P2RX5: variants seen among roughly 807,000 people sequenced by gnomAD.
P2RX5 encodes purinergic receptor P2X 5.
A neutral mutation model predicts 54.1 loss-of-function variants in P2RX5; 46 were observed. The observed-to-expected ratio is 0.85, with a 90% CI of 0.67 to 1.09. P2RX5 has a LOEUF of 1.09. Ranked by LOEUF, P2RX5 falls within the 50% of genes least tolerant of loss-of-function variation. The pLI is 0.00. For missense variants in P2RX5, 566 were observed against 549.8 expected (o/e 1.03, Z -0.29); for synonymous variants, 226 against 226.4 (o/e 1.00, Z 0.02).
chr17:3,690,519 C>G lies in P2RX5; in HGVS notation c.441G>C (p.Val147=), dbSNP rs147152547. ...CTCTCCGCAGGCAGCGGCCGGTCTT[C>G]ACTCCTGCAGGGGTGGGACAGGATC... ...AGEAVTAGNG[V]KTGRCLRREN... is the part of the protein sequence containing the mutation. The change falls in exon 5 of 12, where the codon GTG becomes GTC. Residue 147 remains valine (V), a synonymous_variant. Coordinates refer to ENST00000225328, the MANE Select transcript of P2RX5 (RefSeq NM_002561.4). 1 of 1,613,596 alleles carries G rather than the reference C, an allele frequency of 6.2e-7. No individual in the cohort carries two copies.
At chr17:3,685,674 GAGAACGCACAGCGGGGCCCCCAGGGA>G (rs2050435709) in intron 9 of P2RX5, 1 of 23,024 alleles carries the variant, frequency 4.3e-5, no homozygotes, top group Non-Finnish European at 2.1e-4. Context: ...CTGAGAACAG[GAGAACGCACAGCGGGGCCCCCAGGGA>G]CCCTCCCAAC....
At chr17:3,705,167 C>A in the P2RX5 span, among the ~76,000 whole-genome samples, 5 of 152,156 alleles carry the variant, frequency 3.3e-5, no homozygotes, top group Non-Finnish European at 1.5e-5. Flanking sequence ...CACACGCATC[C>A]GCTCCTCTCC....
the P2RX5 span, chr17:3,720,212 G>C: frequency 1.5e-6 from 1 of 664,698 alleles, no homozygotes; most frequent in South Asian, 1.7e-5. Context: ...TGTTAAGGCT[G>C]AAAACAGGAA....
At chr17:3,720,881 C>G in the P2RX5 span, among the ~76,000 whole-genome samples, 1 of 152,144 alleles carries the variant, frequency 6.6e-6, no homozygotes, top group Non-Finnish European at 1.5e-5. Flanking sequence ...CCGCGCCTGG[C>G]CTTTTCTTCA....
At chr17:3,713,032 C>CA in the P2RX5 span, among the ~76,000 whole-genome samples, 96,463 of 151,970 alleles carry the variant, frequency 0.63, 31,653 homozygotes, top group African/African-American at 0.75. Flanking sequence ...TCTAAACAGT[C>CA]GGGGGAAAAA....
the P2RX5 span, among the ~76,000 whole-genome samples, chr17:3,703,604 G>T: frequency 6.6e-6 from 1 of 152,136 alleles, no homozygotes; most frequent in Admixed American, 6.6e-5. Context: ...CTGCAGGAGA[G>T]TTGCCAACAG....
chr17:3,708,834 T>G, the P2RX5 span, among the ~76,000 whole-genome samples: 75,256 of 151,504 alleles, frequency 0.5, 19,741 homozygotes, highest in African/African-American at 0.64. Context: ...TTGAAAACGG[T>G]CACAAATGGC....
intron 1 of P2RX5, among the ~76,000 whole-genome samples, chr17:3,695,663 TG>T (rs551658525): frequency 9.4e-4 from 143 of 152,048 alleles, no homozygotes; most frequent in African/African-American, 3.4e-3. Context: ...CTAGCGCCAG[TG>T]GGGGAGTGGA....
chr17:3,675,907 A>C, intron 11 of P2RX5: 1 of 985,366 alleles, frequency 1.0e-6, no homozygotes, highest in Non-Finnish European at 1.2e-6. Context: ...TTCCCTTCCC[A>C]GAAAACCCAA....
intron 11 of P2RX5, chr17:3,677,104 G>A: frequency 1.0e-6 from 1 of 985,390 alleles, no homozygotes; most frequent in South Asian, 4.7e-5. Context: ...CAGCGATGGA[G>A]GCAGAGAGCA....
upstream of P2RX5, among the ~76,000 whole-genome samples, chr17:3,698,933 C>G (rs948532028): frequency 3.9e-5 from 6 of 152,058 alleles, no homozygotes; most frequent in Admixed American, 2.0e-4. Flanking sequence ...AGGTTGGGCA[C>G]AGGCGCTCAT....
At chr17:3,704,308 G>A in the P2RX5 span, among the ~76,000 whole-genome samples, 2 of 152,186 alleles carry the variant, frequency 1.3e-5, no homozygotes, top group Admixed American at 1.3e-4. Context: ...GCCAGCTGCA[G>A]ACCCAGCCTT....
At chr17:3,698,359 G>A (rs1163852506), upstream of P2RX5, among the ~76,000 whole-genome samples, 1 of 152,138 alleles carries the variant, frequency 6.6e-6, no homozygotes, top group African/African-American at 2.4e-5. Flanking sequence ...AGGACAACAT[G>A]AGTGTCACAG....
intron 11 of P2RX5, chr17:3,675,988 T>C (rs62069957): frequency 0.041 from 40,488 of 985,274 alleles, 899 homozygotes; most frequent in Non-Finnish European, 0.044. Flanking sequence ...CTGACATCCC[T>C]CTCCAAAGCC....
the P2RX5 span, among the ~76,000 whole-genome samples, chr17:3,704,614 T>G: frequency 6.6e-6 from 1 of 152,214 alleles, no homozygotes; most frequent in African/African-American, 2.4e-5. Flanking sequence ...TGGTACTCAG[T>G]ACCCAGCGCC....
At chr17:3,691,344 G>T (rs185538833) in intron 2 of P2RX5, among the ~76,000 whole-genome samples, 1 of 152,334 alleles carries the variant, frequency 6.6e-6, no homozygotes, top group East Asian at 1.9e-4. Flanking sequence ...GACTTAGAAG[G>T]GGGGTTCTCT....
At chr17:3,699,906 G>GA (rs1214266402), upstream of P2RX5, among the ~76,000 whole-genome samples, 15 of 37,614 alleles carry the variant, frequency 4.0e-4, no homozygotes, top group African/African-American at 8.4e-4. Flanking sequence ...AGGAAGGAAG[G>GA]AAGGAAGGAA....
At chr17:3,694,884 G>GA (rs1236659342) in intron 1 of P2RX5, among the ~76,000 whole-genome samples, 3 of 152,294 alleles carry the variant, frequency 2.0e-5, no homozygotes, top group Non-Finnish European at 4.4e-5. Context: ...GGAGTTACTG[G>GA]AAAGCCCAGA....
chr17:3,689,863 CACACACGCGA>C (rs1484119266), intron 6 of P2RX5, among the ~76,000 whole-genome samples, 197 bp downstream of exon 6: 2 of 152,012 alleles, frequency 1.3e-5, no homozygotes, highest in Non-Finnish European at 2.9e-5. Context: ...TGCACGCACG[CACACACGCGA>C]ACACACGCAC....
Sources: gnomAD v4.1 joint callset for allele counts (sites outside exome capture counted in the v4.1 genomes callset) on GRCh38, gnomAD v4.1.1 for gene constraint, MANE v1.5 for transcripts, NCBI Gene and HGNC (gene_info 2026-07-23, HGNC 2026-07-21) for gene names.